Variants in PLXDC2 observed in about 807,000 individuals in gnomAD.
PLXDC2 encodes plexin domain-containing protein 2.
Under a neutral mutation model 68.9 loss-of-function variants are expected in PLXDC2, and 40 were observed. The ratio of observed to expected loss-of-function variants is 0.58; its 90% CI spans 0.45 to 0.76. The LOEUF (loss-of-function observed/expected upper bound fraction) is 0.76. Ranked by LOEUF, PLXDC2 falls within the 30% of genes least tolerant of loss-of-function variation. The pLI, the probability that PLXDC2 is intolerant of heterozygous loss-of-function variation, is 0.00. For missense variants in PLXDC2, 644 were observed against 661.9 expected (o/e 0.97, Z 0.30); for synonymous variants, 243 against 234.2 (o/e 1.04, Z -0.34).
chr10:20,205,169 G>T (rs1589679895), intron 9 of PLXDC2, among the ~76,000 whole-genome samples: 1 of 152,158 alleles, frequency 6.6e-6, no homozygotes, highest in East Asian at 1.9e-4. Context: ...GCCACAAGCT[G>T]GGAGAACATT....
chr10:20,217,665 A>T, intron 11 of PLXDC2, 89 bp downstream of exon 11: 1 of 1,365,886 alleles, frequency 7.3e-7, no homozygotes, highest in South Asian at 1.7e-5. Flanking sequence ...CATGTACTGG[A>T]ATAGCTCCTA....
At chr10:19,844,008 C>G (rs1836953554) in intron 1 of PLXDC2, among the ~76,000 whole-genome samples, 1 of 152,038 alleles carries the variant, frequency 6.6e-6, no homozygotes, top group African/African-American at 2.4e-5. Flanking sequence ...GTTATATATT[C>G]TACACATGTG....
chr10:20,085,600 A>C (rs569316742), intron 4 of PLXDC2, among the ~76,000 whole-genome samples: 1 of 152,302 alleles, frequency 6.6e-6, no homozygotes, highest in East Asian at 1.9e-4. Context: ...CTTAGAATTA[A>C]TTATTATGAT....
rs1233433609 is a variant in PLXDC2, at chr10:20,282,935, A to C, written c.*3116A>C. The C allele has an allele frequency of 6.6e-6, 1 of 152,222 alleles. No homozygotes were observed. Among genetic ancestry groups the C allele is most frequent in the Non-Finnish European group, 1.5e-5 (1 of 68,026 alleles). 9.4% of individuals were successfully genotyped at this position (152,222 alleles called of 1,614,324 possible). A position where few individuals can be genotyped will look rare whatever the true frequency, so the allele number is the denominator to read the frequency against. ...TATCCACTAGCCAACGTGGCTTTTG[A>C]AATTAAAATTAATTAAAATTAAATT... is the stretch of plus-strand genomic sequence containing the variant. On this transcript the variant is annotated 3_prime_UTR_variant, in exon 14 of 14. Coordinates refer to ENST00000377252, the MANE Select transcript of PLXDC2 (RefSeq NM_032812.9).
chr10:19,872,384 G>A (rs1024176110), intron 1 of PLXDC2, among the ~76,000 whole-genome samples: 22 of 152,194 alleles, frequency 1.4e-4, no homozygotes, highest in Non-Finnish European at 4.4e-5. Context: ...GTCAAAATTG[G>A]CAAATGTAGC....
chr10:19,989,869 C>T (rs1240585337), intron 1 of PLXDC2, among the ~76,000 whole-genome samples: 5 of 151,850 alleles, frequency 3.3e-5, no homozygotes, highest in African/African-American at 1.2e-4. Flanking sequence ...CCTGCCTCAG[C>T]CTCACGAGTA....
At chr10:19,831,038 C>T (rs558699632) in intron 1 of PLXDC2, among the ~76,000 whole-genome samples, 1 of 151,696 alleles carries the variant, frequency 6.6e-6, no homozygotes, top group South Asian at 2.1e-4. Flanking sequence ...TTTCTTGGCA[C>T]CTTTCATAGT....
intron 1 of PLXDC2, among the ~76,000 whole-genome samples, chr10:19,855,934 A>C (rs1316211812): frequency 1.3e-5 from 2 of 152,160 alleles, no homozygotes; most frequent in Non-Finnish European, 2.9e-5. Flanking sequence ...AAAAATATAC[A>C]TATATAAAAA....
In PLXDC2 at chr10:20,251,965, C is replaced by T. The variant is rs559084131; in HGVS notation, c.1473+6460C>T. On this transcript the variant is annotated intron_variant, in intron 13 of 13. Transcript: ENST00000377252. ...AGGGTTAAAAAAAAAAAAGTAAAAA[C>T]TAAGAGTACCTAATCCTGCCATTTA... Among the ~76,000 whole-genome samples the T allele has an allele frequency of 5.4e-4, 80 of 147,352 alleles. 1 individual carries two copies. The highest frequency in any genetic ancestry group is 2.0e-3 in the African/African-American group (80 of 40,160).
chr10:19,892,828 A>G (rs1837988166), intron 1 of PLXDC2, among the ~76,000 whole-genome samples: 3 of 152,120 alleles, frequency 2.0e-5, no homozygotes, highest in Non-Finnish European at 4.4e-5. Flanking sequence ...TTGTTTATCT[A>G]TAAATAAAAC....
chr10:19,852,890 G>A (rs534037796), intron 1 of PLXDC2, among the ~76,000 whole-genome samples: 2 of 152,296 alleles, frequency 1.3e-5, no homozygotes, highest in Admixed American at 1.3e-4. Flanking sequence ...AAATTGTACT[G>A]ATAGTTCTAA....
At chr10:20,060,132 A>T (rs1403217453) in intron 3 of PLXDC2, among the ~76,000 whole-genome samples, 1 of 152,094 alleles carries the variant, frequency 6.6e-6, no homozygotes, top group Non-Finnish European at 1.5e-5. Flanking sequence ...TCCTAGGCTC[A>T]AGCAATCCTC....
In PLXDC2 at chr10:20,122,885, G is replaced by A. The variant is rs909103714; in HGVS notation, c.542-20410G>A. On this transcript the variant is annotated intron_variant, in intron 4 of 13. Coordinates refer to ENST00000377252, the MANE Select transcript of PLXDC2 (RefSeq NM_032812.9). ...TAAAATGCATTTTGAGAATAAGACG[G>A]CCTTTTGACCTTTTAGGGTCTAGGG... 2.6e-5 allele frequency among the ~76,000 whole-genome samples: 4 copies of A among 152,142 alleles called. No individual in the cohort carries two copies. In the East Asian group the frequency reaches 5.8e-4, roughly 22 times the overall value.
intron 4 of PLXDC2, among the ~76,000 whole-genome samples, chr10:20,095,202 A>C (rs1833334123): frequency 6.6e-6 from 1 of 152,184 alleles, no homozygotes; most frequent in Non-Finnish European, 1.5e-5. Flanking sequence ...TTTCTTGTGA[A>C]ATCAGTGCGT....
intron 1 of PLXDC2, among the ~76,000 whole-genome samples, chr10:19,867,752 C>T (rs1320167255): frequency 6.6e-6 from 1 of 152,070 alleles, no homozygotes; most frequent in African/African-American, 2.4e-5. Flanking sequence ...CTCTCACTCA[C>T]CAGTCTCGGG....
At chr10:20,141,470 C>T (rs1006817166) in intron 4 of PLXDC2, among the ~76,000 whole-genome samples, 1 of 151,978 alleles carries the variant, frequency 6.6e-6, no homozygotes, top group African/African-American at 2.4e-5. Flanking sequence ...CCAAGTTAAG[C>T]AGTTTCTTCT....
rs975671307 is a variant in PLXDC2, at chr10:20,125,838, G to A, written c.542-17457G>A. ...GGAGATTGCAACTCAACGAGAGTAA[G>A]TGATGACATGAGGTCATACAACTTG... On this transcript the variant is annotated intron_variant, in intron 4 of 13. Transcript: ENST00000377252. 3.3e-5 allele frequency among the ~76,000 whole-genome samples: 5 copies of A among 151,984 alleles called. No individual in the cohort carries two copies. In the East Asian group the frequency reaches 9.7e-4, roughly 29 times the overall value.
chr10:19,944,407 T>G (rs1833867485), intron 1 of PLXDC2, among the ~76,000 whole-genome samples: 1 of 142,150 alleles, frequency 7.0e-6, no homozygotes, highest in Non-Finnish European at 1.5e-5. Flanking sequence ...GGTTGGTAAC[T>G]TTTCAAAAAA....
chr10:20,239,659 G>A (rs1391770987), intron 12 of PLXDC2, among the ~76,000 whole-genome samples: 2 of 152,260 alleles, frequency 1.3e-5, no homozygotes, highest in East Asian at 3.9e-4. Flanking sequence ...AGAGATTTGG[G>A]TGGGGACACA....
Sources: allele counts gnomAD v4.1 joint callset (sites outside exome capture counted in the v4.1 genomes callset), GRCh38; gene constraint gnomAD v4.1.1; transcripts MANE v1.5; gene names NCBI Gene and HGNC (gene_info 2026-07-23, HGNC 2026-07-21).